Variants in VTI1A observed in about 807,000 individuals in gnomAD.
The protein encoded by VTI1A is vesicle transport through interaction with t-SNAREs 1A, also known as vesicle transport through interaction with t-SNAREs homolog 1A.
Under a neutral mutation model 34.9 loss-of-function variants are expected in VTI1A, and 22 were observed. The observed-to-expected ratio is 0.63, with a 90% confidence interval of 0.45 to 0.90. The LOEUF (loss-of-function observed/expected upper bound fraction) is 0.90, where lower values mean the gene tolerates loss of function less well. VTI1A is among the 40% of genes least tolerant of loss of function. The pLI is 0.00. For missense variants in VTI1A, 268 were observed against 275.6 expected (o/e 0.97, Z 0.20); for synonymous variants, 87 against 97.3 (o/e 0.89, Z 0.62).
chr10:112,838,929 C>G, the VTI1A span, among the ~76,000 whole-genome samples: 2 of 152,212 alleles, frequency 1.3e-5, no homozygotes, highest in African/African-American at 2.4e-5. Context: ...ACCATTTGAC[C>G]AGATCCAGTC....
intron 5 of VTI1A, among the ~76,000 whole-genome samples, chr10:112,611,265 A>C (rs1845298244): frequency 6.6e-6 from 1 of 152,218 alleles, no homozygotes; most frequent in Non-Finnish European, 1.5e-5. Flanking sequence ...GGTAGAACAG[A>C]ATAAAATGTA....
chr10:112,811,277 C>T (rs12251082), intron 7 of VTI1A, among the ~76,000 whole-genome samples: 8,230 of 152,252 alleles, frequency 0.054, 235 homozygotes, highest in South Asian at 0.087. Flanking sequence ...CAAATCAAAA[C>T]CGCAGGAAGA....
At chr10:112,810,141 A>G (rs1414406440) in intron 7 of VTI1A, among the ~76,000 whole-genome samples, 4 of 151,998 alleles carry the variant, frequency 2.6e-5, no homozygotes, top group Non-Finnish European at 5.9e-5. Flanking sequence ...GGTGGCTCAC[A>G]CTTGTAATCC....
the VTI1A span, among the ~76,000 whole-genome samples, chr10:112,853,890 A>C: frequency 6.6e-6 from 1 of 152,144 alleles, no homozygotes; most frequent in East Asian, 1.9e-4. Context: ...TTGTTTTAGA[A>C]GCATACGTAG....
intron 5 of VTI1A, among the ~76,000 whole-genome samples, chr10:112,645,005 G>A (rs373295763): frequency 2.0e-5 from 3 of 152,118 alleles, no homozygotes; most frequent in Non-Finnish European, 4.4e-5. Flanking sequence ...CTATTAAAAC[G>A]TATAGATGAG....
chr10:112,481,404 A>G (rs1848453357), intron 3 of VTI1A, among the ~76,000 whole-genome samples: 1 of 152,178 alleles, frequency 6.6e-6, no homozygotes, highest in Admixed American at 6.5e-5. Flanking sequence ...TAGCATACGG[A>G]CTGTCTCTTT....
intron 7 of VTI1A, among the ~76,000 whole-genome samples, chr10:112,758,346 C>T (rs994072251): frequency 1.3e-5 from 2 of 152,164 alleles, no homozygotes; most frequent in Non-Finnish European, 2.9e-5. Flanking sequence ...CCTCCACCAC[C>T]TATGTCTACC....
rs543753532 is a variant in VTI1A, at chr10:112,526,705, A to G, written c.265-382A>G. Among the ~76,000 whole-genome samples the G allele has an allele frequency of 2.0e-5, 3 of 151,938 alleles. No homozygotes were observed. In the East Asian group the frequency reaches 5.8e-4, roughly 29 times the overall value. On this transcript the variant is annotated intron_variant, in intron 3 of 7. Transcript: ENST00000393077. Reference sequence around the variant, plus strand: ...TGTAATGTCCATTTCCTGCCACAATATTGAAAAAAAAAAACATATACTCCT... The same window carrying G: ...TGTAATGTCCATTTCCTGCCACAATGTTGAAAAAAAAAAACATATACTCCT...
intron 5 of VTI1A, among the ~76,000 whole-genome samples, chr10:112,622,679 T>G (rs1845779035): frequency 6.6e-6 from 1 of 152,228 alleles, no homozygotes; most frequent in Non-Finnish European, 1.5e-5. Context: ...CCTTTATTCT[T>G]TTAAGCATTT....
At chr10:112,777,173 C>T (rs1851976240) in intron 7 of VTI1A, among the ~76,000 whole-genome samples, 2 of 152,148 alleles carry the variant, frequency 1.3e-5, no homozygotes, top group South Asian at 2.1e-4. Context: ...TCCTGTCACT[C>T]TTTTGCCTTT....
At chr10:112,487,029 G>A (rs1428203868) in intron 3 of VTI1A, among the ~76,000 whole-genome samples, 1 of 152,158 alleles carries the variant, frequency 6.6e-6, no homozygotes, top group African/African-American at 2.4e-5. Flanking sequence ...TTTAAAGGGA[G>A]AAGTGACCTC....
chr10:112,847,001 G>A, the VTI1A span, among the ~76,000 whole-genome samples: 1 of 152,152 alleles, frequency 6.6e-6, no homozygotes, highest in African/African-American at 2.4e-5. Context: ...CTCCAGAACT[G>A]TAAGATAATA....
At chr10:112,480,512 ATG>A (rs144829569) in intron 3 of VTI1A, among the ~76,000 whole-genome samples, 8 of 151,946 alleles carry the variant, frequency 5.3e-5, no homozygotes, top group East Asian at 1.9e-4. Context: ...TTCAACCCAT[ATG>A]TGTGTGTGTG....
At chr10:112,840,491 C>G in the VTI1A span, among the ~76,000 whole-genome samples, 1 of 152,218 alleles carries the variant, frequency 6.6e-6, no homozygotes, top group African/African-American at 2.4e-5. Flanking sequence ...AACAAATAGC[C>G]TTCGCTTGTT....
At chr10:112,605,566 A>T (rs1479264724) in intron 5 of VTI1A, among the ~76,000 whole-genome samples, 1 of 152,084 alleles carries the variant, frequency 6.6e-6, no homozygotes, top group East Asian at 1.9e-4. Flanking sequence ...CTCTCTCCAC[A>T]CCAGGAGTCT....
At chr10:112,793,929 T>G (rs1662402742) in intron 7 of VTI1A, among the ~76,000 whole-genome samples, 1 of 152,202 alleles carries the variant, frequency 6.6e-6, no homozygotes, top group Non-Finnish European at 1.5e-5. Flanking sequence ...GCAGTCAAGC[T>G]GTGTCGGCAA....
At chr10:112,796,128 G>A (rs1852665980) in intron 7 of VTI1A, among the ~76,000 whole-genome samples, 1 of 152,152 alleles carries the variant, frequency 6.6e-6, no homozygotes, top group Non-Finnish European at 1.5e-5. Flanking sequence ...GCCACGCGCG[G>A]TGGCTGCCCC....
intron 7 of VTI1A, among the ~76,000 whole-genome samples, chr10:112,691,937 A>C (rs1848630723): frequency 6.6e-6 from 1 of 152,234 alleles, no homozygotes; most frequent in African/African-American, 2.4e-5. Context: ...GTGGAAGTGC[A>C]AGTGACACTA....
At chr10:112,660,093 A>G (rs751170228) in intron 5 of VTI1A, among the ~76,000 whole-genome samples, 1 of 151,872 alleles carries the variant, frequency 6.6e-6, no homozygotes, top group Non-Finnish European at 1.5e-5. Flanking sequence ...ACTGAATTCT[A>G]ATTTGTTGTT....
Sources: allele counts gnomAD v4.1 joint callset (sites outside exome capture counted in the v4.1 genomes callset), GRCh38; gene constraint gnomAD v4.1.1; transcripts MANE v1.5; gene names NCBI Gene and HGNC (gene_info 2026-07-23, HGNC 2026-07-21).